ACER3: variants seen among roughly 807,000 people sequenced by gnomAD.
The protein encoded by ACER3 is alkaline ceramidase 3, also known as alkCDase 3.
ACER3 carries 16 observed loss-of-function variants against 48.9 expected under a neutral mutation model. The observed-to-expected ratio is 0.33, with a 90% CI of 0.22 to 0.50. The LOEUF (loss-of-function observed/expected upper bound fraction) is 0.50, where lower values mean the gene tolerates loss of function less well. Among genes scored for constraint, ACER3 ranks in the 20% least tolerant of loss-of-function variants. ACER3 has a pLI of 0.98. For missense variants in ACER3, 227 were observed against 326.0 expected, an observed-to-expected ratio of 0.70 and a Z score of 2.34; for synonymous variants, 109 against 107.8, an observed-to-expected ratio of 1.01 and a Z score of -0.07.
At chr11:76,969,995 G>A (rs1348059682) in intron 3 of ACER3, among the ~76,000 whole-genome samples, 5 of 151,656 alleles carry the variant, frequency 3.3e-5, no homozygotes, top group Non-Finnish European at 7.4e-5. Flanking sequence ...ATCTTATAGT[G>A]TGCAGGGTGT....
At chr11:76,933,957 C>T (rs1947094899) in intron 2 of ACER3, among the ~76,000 whole-genome samples, 1 of 151,910 alleles carries the variant, frequency 6.6e-6, no homozygotes, top group African/African-American at 2.4e-5. Context: ...AGACGCTCCT[C>T]ACCTCCTAGA....
Position 76,898,903 on chromosome 11 carries a change from CAAAAAAAAAAAA to C in ACER3, c.104-27636_104-27625del, listed in dbSNP as rs59278347. Among the ~76,000 whole-genome samples, 16 of 55,834 alleles carry C rather than the reference CAAAAAAAAAAAA, an allele frequency of 2.9e-4. No individual in the cohort carries two copies. In the East Asian group the frequency reaches 4.3e-3, roughly 15 times the overall value. The allele number at this position is 55,834 out of a possible 152,430, so 36.6% of individuals were successfully genotyped here. A position where few individuals can be genotyped will look rare whatever the true frequency, so the allele number is the denominator to read the frequency against. On this transcript the variant is annotated intron_variant, in intron 1 of 10. Transcript: ENST00000532485. The stretch of plus-strand genomic sequence containing the variant: ...TGGGCGACAGAGCGAGACTCCGTCT[CAAAAAAAAAAAA>C]AAAAAAAAAAAAAAAAATCCTCGTT...
chr11:76,987,018 A>G (rs1263560749), intron 5 of ACER3, among the ~76,000 whole-genome samples: 1 of 152,160 alleles, frequency 6.6e-6, no homozygotes, highest in African/African-American at 2.4e-5. Flanking sequence ...GTGAGCTGAG[A>G]TCGTGCCACT....
In ACER3 at chr11:76,990,545, CT is replaced by C; in HGVS notation, c.411del (p.Lys138ArgfsTer2). 1 of 1,507,902 alleles carries C rather than the reference CT, an allele frequency of 6.6e-7. No homozygotes were observed. The highest frequency in any genetic ancestry group is 9.2e-7 in the Non-Finnish European group (1 of 1,085,872). The allele number at this position is 1,507,902 out of a possible 1,614,324, so 93.4% of individuals were successfully genotyped here. A position where few individuals can be genotyped will look rare whatever the true frequency, so the allele number is the denominator to read the frequency against. On this transcript the variant is annotated frameshift_variant, in exon 6 of 11. Transcript: ENST00000532485. LOFTEE classifies it high-confidence loss of function. Reference protein sequence around the residue: ...LFSLIVTTVYLKVKEPIFHQV... With the variant: ...LFSLIVTTVYXKVKEPIFHQV... ...TTTTTCTAATATTTTGCAGGTTTACCTTAAGGTAAAAGAGCCGATATTCCAT... is the reference window on the plus strand; with the variant it reads ...TTTTTCTAATATTTTGCAGGTTTACCTAAGGTAAAAGAGCCGATATTCCAT...
chr11:76,958,224 T>A (rs1947894112), intron 2 of ACER3, among the ~76,000 whole-genome samples: 2 of 150,806 alleles, frequency 1.3e-5, no homozygotes, highest in South Asian at 4.2e-4. Context: ...TTTGCTCTTG[T>A]TGCCCGGGCT....
intron 1 of ACER3, among the ~76,000 whole-genome samples, chr11:76,871,145 A>G (rs1184938212): frequency 6.6e-6 from 1 of 152,254 alleles, no homozygotes; most frequent in Non-Finnish European, 1.5e-5. Context: ...TCCAGAGTGC[A>G]TTCTTACTCT....
intron 4 of ACER3, among the ~76,000 whole-genome samples, chr11:76,979,604 G>A (rs1214705420): frequency 6.6e-6 from 1 of 151,830 alleles, no homozygotes; most frequent in Non-Finnish European, 1.5e-5. Flanking sequence ...AGTGAGCTGA[G>A]ATGGCACCAC....
At chr11:76,870,786 T>C (rs1945222685) in intron 1 of ACER3, among the ~76,000 whole-genome samples, 3 of 152,196 alleles carry the variant, frequency 2.0e-5, no homozygotes, top group Non-Finnish European at 4.4e-5. Context: ...CATGCTGTAA[T>C]GATTATATGA....
chr11:76,871,256 T>G (rs545441103), intron 1 of ACER3, among the ~76,000 whole-genome samples: 1 of 152,348 alleles, frequency 6.6e-6, no homozygotes, highest in Admixed American at 6.5e-5. Flanking sequence ...AAAAAGTATC[T>G]GAGAAAGGTT....
chr11:76,947,741 A>G (rs1947513916), intron 2 of ACER3, among the ~76,000 whole-genome samples: 1 of 152,246 alleles, frequency 6.6e-6, no homozygotes, highest in South Asian at 2.1e-4. Flanking sequence ...GGGGAAAGCA[A>G]TGAAAAATAT....
intron 3 of ACER3, among the ~76,000 whole-genome samples, chr11:76,965,697 C>G (rs1948119218): frequency 6.8e-6 from 1 of 147,100 alleles, no homozygotes; most frequent in African/African-American, 2.5e-5. Flanking sequence ...AATTTCATAT[C>G]CAGCCAAACT....
At position 77,018,310 on chromosome 11, in the gene ACER3, G is replaced by A. The variant is rs782503281; in HGVS notation, c.705-1421G>A. Reference sequence around the variant, plus strand: ...ACCACAAACCATGCACATAGAAGACGGTGAACTTAATAAATGTATGTTTTG... The same window carrying A: ...ACCACAAACCATGCACATAGAAGACAGTGAACTTAATAAATGTATGTTTTG... On this transcript the variant is annotated intron_variant, in intron 9 of 10. Transcript: ENST00000532485. 4.6e-5 allele frequency among the ~76,000 whole-genome samples: 7 copies of A among 152,132 alleles called. 1 individual carries two copies. Among genetic ancestry groups the A allele is most frequent in the Non-Finnish European group, 1.0e-4 (7 of 68,034 alleles).
intron 1 of ACER3, among the ~76,000 whole-genome samples, chr11:76,875,708 T>A (rs560034639): frequency 1.3e-5 from 2 of 151,346 alleles, no homozygotes; most frequent in Non-Finnish European, 1.5e-5. Context: ...AAATTTACAT[T>A]CAATGTAATA....
intron 7 of ACER3, among the ~76,000 whole-genome samples, chr11:77,004,398 T>C (rs140253059): frequency 2.1e-3 from 313 of 152,356 alleles, no homozygotes; most frequent in Middle Eastern, 0.017. Context: ...ATGTGCAGTG[T>C]TTGTGCCCCA....
intron 1 of ACER3, among the ~76,000 whole-genome samples, chr11:76,875,737 T>TTTTG (rs1945360310): frequency 8.4e-6 from 1 of 119,408 alleles, no homozygotes; most frequent in African/African-American, 4.5e-5. Flanking sequence ...TTGTTGTTTT[T>TTTTG]TTTTTTTTTT....
At chr11:76,968,918 G>A (rs1948217726) in intron 3 of ACER3, among the ~76,000 whole-genome samples, 1 of 152,180 alleles carries the variant, frequency 6.6e-6, no homozygotes, top group East Asian at 1.9e-4. Context: ...AAAAGCAATG[G>A]CAACAAAAGC....
chr11:77,000,220 A>G (rs781861849), intron 7 of ACER3, among the ~76,000 whole-genome samples: 4 of 152,124 alleles, frequency 2.6e-5, no homozygotes, highest in Non-Finnish European at 5.9e-5. Context: ...CCATATGTAT[A>G]TGTATTCTCC....
intron 1 of ACER3, among the ~76,000 whole-genome samples, chr11:76,881,893 A>AT (rs1177034062): frequency 6.6e-6 from 1 of 151,022 alleles, no homozygotes; most frequent in African/African-American, 2.4e-5. Context: ...ATGTATTCAA[A>AT]TTTTTTTCTG....
Position 76,914,029 on chromosome 11 carries a change from T to A in ACER3, c.104-12528T>A, listed in dbSNP as rs1053922963. ...AGCTGAAACTGGATCCCTTCCTTAC[T>A]CCTTATACAAAAATTAATTCAAGAT... On this transcript the variant is annotated intron_variant, in intron 1 of 10. Coordinates refer to ENST00000532485, the MANE Select transcript of ACER3 (RefSeq NM_018367.7). 7.9e-5 allele frequency among the ~76,000 whole-genome samples: 12 copies of A among 152,184 alleles called. No homozygotes were observed. The South Asian group carries it at 1.7e-3, about 21-fold the overall frequency.
Sources: allele counts gnomAD v4.1 joint callset (sites outside exome capture counted in the v4.1 genomes callset), GRCh38; gene constraint gnomAD v4.1.1; transcripts MANE v1.5; gene names NCBI Gene and HGNC (gene_info 2026-07-23, HGNC 2026-07-21).